The following PIGN variants were observed in gnomAD, a reference collection of about 807,000 sequenced individuals.
PIGN encodes the protein GPI ethanolamine phosphate transferase 1.
PIGN carries 117 observed loss-of-function variants against 125.4 expected under a neutral mutation model. The ratio of observed to expected loss-of-function variants is 0.93; its 90% CI spans 0.80 to 1.09. The LOEUF is 1.09. Ranked by LOEUF, PIGN falls within the 50% of genes least tolerant of loss-of-function variation. The pLI is 0.00. For missense variants in PIGN, 1,075 were observed against 1,094.9 expected (o/e 0.98, Z 0.26); for synonymous variants, 392 against 377.8 (o/e 1.04, Z -0.44).
intron 1 of PIGN, among the ~76,000 whole-genome samples, chr18:62,185,003 A>G (rs1290316992): frequency 2.0e-5 from 3 of 152,210 alleles, no homozygotes; most frequent in African/African-American, 7.2e-5. Context: ...CACAATAAAT[A>G]ATGAGTAGAA....
chr18:62,110,280 A>C (rs953415157), intron 16 of PIGN: 1 of 125,268 alleles, frequency 8.0e-6, no homozygotes, highest in African/African-American at 1.9e-4. Context: ...CCTTTTAGGA[A>C]TATTTTATAA....
chr18:62,102,735 C>A, intron 21 of PIGN, 59 bp downstream of exon 21: 1 of 753,708 alleles, frequency 1.3e-6, no homozygotes, highest in East Asian at 3.1e-5. Context: ...TAAATATAAC[C>A]ATAAGACACA....
intron 1 of PIGN, among the ~76,000 whole-genome samples, chr18:62,182,605 A>G (rs1424865047): frequency 1.3e-5 from 2 of 152,208 alleles, no homozygotes; most frequent in African/African-American, 4.8e-5. Context: ...AACTACTGCA[A>G]TGCAGGAATA....
intron 17 of PIGN, among the ~76,000 whole-genome samples, chr18:62,109,236 C>G (rs1277915371): frequency 6.6e-6 from 1 of 152,188 alleles, no homozygotes; most frequent in Non-Finnish European, 1.5e-5. Flanking sequence ...AAGAGCCTTA[C>G]TTCTAATGTT....
intron 7 of PIGN, among the ~76,000 whole-genome samples, chr18:62,152,069 G>T (rs1183070251): frequency 6.6e-6 from 1 of 151,962 alleles, no homozygotes; most frequent in Admixed American, 6.6e-5. Flanking sequence ...TATATTTAAG[G>T]AATACATTGG....
chr18:62,171,678 T>G (rs927763368), intron 1 of PIGN, among the ~76,000 whole-genome samples: 2 of 152,156 alleles, frequency 1.3e-5, no homozygotes, highest in African/African-American at 4.8e-5. Context: ...CAAATACTTT[T>G]TGTTGTATCT....
intron 28 of PIGN, among the ~76,000 whole-genome samples, chr18:62,081,726 T>C (rs1395205306): frequency 1.3e-5 from 2 of 152,160 alleles, no homozygotes; most frequent in African/African-American, 4.8e-5. Flanking sequence ...CATTCACCAG[T>C]TTTTATTGCA....
intron 28 of PIGN, among the ~76,000 whole-genome samples, chr18:62,080,274 T>C (rs1322586420): frequency 6.6e-5 from 10 of 152,228 alleles, no homozygotes; most frequent in Non-Finnish European, 1.0e-4. Flanking sequence ...TCTGTAATAC[T>C]AAAACTTGTT....
chr18:62,112,659 A>C (rs2034925613), intron 16 of PIGN: 1 of 153,698 alleles, frequency 6.5e-6, no homozygotes, highest in African/African-American at 2.4e-5. Flanking sequence ...AACTTCAAAA[A>C]GTTAAAAGAA....
intron 10 of PIGN, among the ~76,000 whole-genome samples, chr18:62,144,149 C>T (rs1157228729): frequency 6.6e-6 from 1 of 152,156 alleles, no homozygotes; most frequent in Non-Finnish European, 1.5e-5. Context: ...AGAAAAAATA[C>T]ATTTCTGATG....
At position 62,150,441 on chromosome 18, in the gene PIGN, A is replaced by G. The variant is rs531207821; in HGVS notation, c.550-2103T>C. 1.1e-4 allele frequency among the ~76,000 whole-genome samples: 17 copies of G among 152,376 alleles called. No homozygotes were observed. In the East Asian group the frequency reaches 2.9e-3, roughly 26 times the overall value. On this transcript the variant is annotated intron_variant, in intron 7 of 30. Transcript: ENST00000640252. ...GGGTTATCTAAGTCGAACTGGAAAT[A>G]GGGCAAAGCAAAGAGAAGTCACAGA...
chr18:62,165,073 C>T (rs2037083863), intron 1 of PIGN, among the ~76,000 whole-genome samples: 1 of 152,186 alleles, frequency 6.6e-6, no homozygotes, highest in African/African-American at 2.4e-5. Context: ...TTGGATCCCA[C>T]ATGAATGGCT....
intron 30 of PIGN, among the ~76,000 whole-genome samples, chr18:62,068,671 G>C (rs886618849): frequency 1.3e-5 from 2 of 152,102 alleles, no homozygotes; most frequent in African/African-American, 4.8e-5. Context: ...ATCTGAGACT[G>C]CATGACCTCT....
chr18:62,172,411 T>G (rs779402322), intron 1 of PIGN, among the ~76,000 whole-genome samples: 15 of 152,140 alleles, frequency 9.9e-5, no homozygotes, highest in Non-Finnish European at 2.1e-4. Flanking sequence ...AAAGTACATA[T>G]GGCATATTTA....
At chr18:62,092,882 C>T (rs1192043082) in intron 23 of PIGN, among the ~76,000 whole-genome samples, 4 of 152,092 alleles carry the variant, frequency 2.6e-5, no homozygotes, top group African/African-American at 9.6e-5. Flanking sequence ...ACTCAGCTTT[C>T]CTATTCAAGC....
At position 62,043,694 on chromosome 18, in the gene PIGN, G is replaced by A. The variant is rs1357231578; in HGVS notation, c.*2162C>T. On this transcript the variant is annotated 3_prime_UTR_variant, in exon 31 of 31. Transcript: ENST00000640252. The stretch of plus-strand genomic sequence containing the variant: ...TGGAAAATGACAGACAAGCTGCAGC[G>A]GTTTCCTAAAGCCTTAGGATTCCCT... 2 of 152,064 alleles carry A rather than the reference G, an allele frequency of 1.3e-5. No homozygotes were observed. Among genetic ancestry groups the A allele is most frequent in the African/African-American group, 2.4e-5 (1 of 41,406 alleles). 9.4% of individuals were successfully genotyped at this position (152,064 alleles called of 1,614,324 possible). A position where few individuals can be genotyped will look rare whatever the true frequency, so the allele number is the denominator to read the frequency against.
Position 62,157,204 on chromosome 18 carries a change from A to G in PIGN, c.367T>C (p.Phe123Leu). 6.2e-7 allele frequency: 1 copy of G among 1,605,642 alleles called. No homozygotes were observed. The highest frequency in any genetic ancestry group is 8.5e-7 in the Non-Finnish European group (1 of 1,174,366). Residue 123 changes from phenylalanine (F) to leucine (L), a missense_variant, in exon 6 of 31, where the codon TTT (phenylalanine) becomes CTT (leucine). By Grantham distance (22) the Phe-to-Leu change is conservative. Around this residue, in one of 3 missense-constraint regions of PIGN, gnomAD observed 152 missense variants for 162.9 expected, o/e 0.93. Coordinates refer to ENST00000640252, the MANE Select transcript of PIGN (RefSeq NM_176787.5). ...AKGWKENPVEFDSLFNESKYT... is the reference protein window; with the variant it reads ...AKGWKENPVELDSLFNESKYT... ...TTACTTTCATTAAAAAGAGAATCAA[A>G]CTCTACAGGATTTTCCTTCCATCCT...
At chr18:62,102,200 C>T (rs2034471886) in intron 21 of PIGN, among the ~76,000 whole-genome samples, 1 of 151,110 alleles carries the variant, frequency 6.6e-6, no homozygotes, top group Admixed American at 6.6e-5. Flanking sequence ...GCACTCCACC[C>T]TGGGTGACAG....
chr18:62,104,308 T>C (rs1401471390), intron 20 of PIGN, among the ~76,000 whole-genome samples: 3 of 152,178 alleles, frequency 2.0e-5, no homozygotes, highest in South Asian at 4.1e-4. Flanking sequence ...TTTCCTTCCC[T>C]TTTAGCATAT....
Sources: gnomAD v4.1 joint callset for allele counts (sites outside exome capture counted in the v4.1 genomes callset) on GRCh38, gnomAD v4.1.1 for gene constraint, gnomAD v4.1.1 regional missense constraint, MANE v1.5 for transcripts, NCBI Gene and HGNC (gene_info 2026-07-23, HGNC 2026-07-21) for gene names.